Variants in RASGEF1C observed in about 807,000 individuals in gnomAD.
The protein encoded by RASGEF1C is ras-GEF domain-containing family member 1C.
Under a neutral mutation model 58.1 loss-of-function variants are expected in RASGEF1C, and 27 were observed. The ratio of observed to expected loss-of-function variants is 0.46; its 90% CI spans 0.34 to 0.64. The LOEUF is 0.64. Ranked by LOEUF, RASGEF1C falls within the 30% of genes least tolerant of loss-of-function variation. The pLI, the probability that RASGEF1C is intolerant of heterozygous loss-of-function variation, is 0.01. For missense variants in RASGEF1C, 502 were observed against 605.1 expected, an observed-to-expected ratio of 0.83 and a Z score of 1.79; for synonymous variants, 243 against 246.3, an observed-to-expected ratio of 0.99 and a Z score of 0.13.
rs569183492 is a variant in RASGEF1C, at chr5:180,188,373, G to T, written c.-7+20655C>A. Among the ~76,000 whole-genome samples the T allele has an allele frequency of 9.2e-5, 14 of 152,282 alleles. No homozygotes were observed. In the South Asian group the frequency reaches 1.4e-3, roughly 16 times the overall value. On this transcript the variant is annotated intron_variant, in intron 1 of 13. Transcript: ENST00000361132. The stretch of plus-strand genomic sequence containing the variant: ...AATGAGTATAAAATGTTCTTTGGGG[G>T]TGATGAAAATGTTTTAGAACTAGAC...
chr5:180,109,314 C>T lies in RASGEF1C; in HGVS notation c.1303+2143G>A, dbSNP rs543599689. On this transcript the variant is annotated intron_variant, in intron 12 of 13. Transcript: ENST00000361132. ...TACTAAAAATACAAAAAAAATTAGCCGGGCGTGGTGGTGGGTGCCTGTAGT... is the reference window on the plus strand; with the variant it reads ...TACTAAAAATACAAAAAAAATTAGCTGGGCGTGGTGGTGGGTGCCTGTAGT... Among the ~76,000 whole-genome samples the T allele has an allele frequency of 5.3e-5, 8 of 152,104 alleles. 1 individual carries two copies. The highest frequency in any genetic ancestry group is 2.6e-4 in the Admixed American group (4 of 15,282).
intron 12 of RASGEF1C, among the ~76,000 whole-genome samples, chr5:180,105,617 T>C (rs13164709): frequency 0.8 from 120,318 of 151,004 alleles, 47,921 homozygotes; most frequent in South Asian, 0.93. Flanking sequence ...CCTGTAATCC[T>C]AGCACTTTGG....
chr5:180,146,335 T>C (rs1194875759), intron 1 of RASGEF1C, among the ~76,000 whole-genome samples: 1 of 152,162 alleles, frequency 6.6e-6, no homozygotes, highest in East Asian at 1.9e-4. Context: ...TTTGGTACTT[T>C]TAACACGGTT....
intron 12 of RASGEF1C, among the ~76,000 whole-genome samples, chr5:180,110,034 G>A (rs1302837566): frequency 1.3e-5 from 2 of 152,224 alleles, no homozygotes; most frequent in East Asian, 1.9e-4. Context: ...ATTTGTGACA[G>A]CACCAACAGG....
Position 180,137,064 on chromosome 5 carries a change from G to A in RASGEF1C, c.300+526C>T, listed in dbSNP as rs1346240454. 6.6e-6 allele frequency among the ~76,000 whole-genome samples: 1 copy of A among 152,208 alleles called. No homozygotes were observed. Among genetic ancestry groups the A allele is most frequent in the Non-Finnish European group, 1.5e-5 (1 of 68,026 alleles). ...CAGCCCCGGGAAGCGGCAGCAGAGG[G>A]CGGGAGGGAGACAGGCCACGGTGCA... On this transcript the variant is annotated intron_variant, in intron 3 of 13. Coordinates refer to ENST00000361132, the MANE Select transcript of RASGEF1C (RefSeq NM_175062.4). This position sits in a 1 kb window ranked among gnomAD's most constrained non-coding sequence, Gnocchi z 4.1.
rs1255562660 is a variant in RASGEF1C, at chr5:180,197,036, A to G, written c.-7+11992T>C. The stretch of plus-strand genomic sequence containing the variant: ...GTGCTGCCCGAGGCTGGCGTCGGTG[A>G]GGCTCCCCTCAGACCTCACCACAGG... On this transcript the variant is annotated intron_variant, in intron 1 of 13. Transcript: ENST00000361132. The surrounding 1 kb of genome is among the most constrained non-coding windows in gnomAD (Gnocchi z 4.7). Among the ~76,000 whole-genome samples, 1 of 152,194 alleles carries G rather than the reference A, an allele frequency of 6.6e-6. No individual in the cohort carries two copies. Among genetic ancestry groups the G allele is most frequent in the African/African-American group, 2.4e-5 (1 of 41,456 alleles).
intron 1 of RASGEF1C, among the ~76,000 whole-genome samples, chr5:180,187,187 T>C (rs1468063650): frequency 6.6e-6 from 1 of 152,192 alleles, no homozygotes; most frequent in African/African-American, 2.4e-5. Flanking sequence ...AAACAGTCTC[T>C]ATGTTGCTGG....
Position 180,191,603 on chromosome 5 carries a change from G to A in RASGEF1C, c.-7+17425C>T, listed in dbSNP as rs561114728. Among the ~76,000 whole-genome samples the A allele has an allele frequency of 9.2e-5, 14 of 152,214 alleles. No individual in the cohort carries two copies. The South Asian group carries it at 1.7e-3, about 18-fold the overall frequency. On this transcript the variant is annotated intron_variant, in intron 1 of 13. Coordinates refer to ENST00000361132, the MANE Select transcript of RASGEF1C (RefSeq NM_175062.4). ...CATCTCCTGACCTCGTGATCCGCCC[G>A]CCTCAGCCTCCCAAAGTGCTGGGAT...
At chr5:180,116,345 C>T (rs116473196) in intron 10 of RASGEF1C, among the ~76,000 whole-genome samples, 3,765 of 83,498 alleles carry the variant, frequency 0.045, 63 homozygotes, top group Admixed American at 0.086. Flanking sequence ...AGGAAGGAAG[C>T]GTAAAGTGCT....
chr5:180,119,170 C>T (rs1766124886), intron 8 of RASGEF1C, among the ~76,000 whole-genome samples, 176 bp downstream of exon 8: 1 of 152,206 alleles, frequency 6.6e-6, no homozygotes, highest in East Asian at 1.9e-4. Flanking sequence ...GGGGTGGCTC[C>T]CCAGGACCTC....
At position 180,197,251 on chromosome 5, in the gene RASGEF1C, C is replaced by G. The variant is rs554951720; in HGVS notation, c.-7+11777G>C. Among the ~76,000 whole-genome samples the G allele has an allele frequency of 6.6e-6, 1 of 152,334 alleles. No individual in the cohort carries two copies. On this transcript the variant is annotated intron_variant, in intron 1 of 13. Transcript: ENST00000361132. This position sits in a 1 kb window ranked among gnomAD's most constrained non-coding sequence, Gnocchi z 4.7. ...CTCCCTCAGCCACACACCTGTGAAT[C>G]ACTCAACAATGGCTGGGACAGAGGG... is the stretch of plus-strand genomic sequence containing the variant.
intron 13 of RASGEF1C, 28 bp from the exon 14 acceptor site, chr5:180,101,553 T>A (rs950569666): frequency 1.2e-6 from 2 of 1,610,562 alleles, no homozygotes; most frequent in Non-Finnish European, 1.7e-6. Flanking sequence ...TCGGGAGCGG[T>A]GAGAGCCTGG....
At chr5:180,152,263 CAT>C (rs1561744406) in intron 1 of RASGEF1C, among the ~76,000 whole-genome samples, 1 of 151,824 alleles carries the variant, frequency 6.6e-6, no homozygotes, top group African/African-American at 2.4e-5. Flanking sequence ...TTAAGATACA[CAT>C]ATGTTTATTG....
intron 1 of RASGEF1C, among the ~76,000 whole-genome samples, chr5:180,194,187 C>T (rs1195289559): frequency 2.6e-5 from 4 of 152,190 alleles, no homozygotes; most frequent in African/African-American, 7.2e-5. Flanking sequence ...GCCGAACGCG[C>T]GAGCTTGGCG....
Position 180,133,666 on chromosome 5 carries a change from A to ATGT in RASGEF1C, c.438+2711_438+2712insACA, listed in dbSNP as rs1209934957. On this transcript the variant is annotated intron_variant, in intron 4 of 13. Coordinates refer to ENST00000361132, the MANE Select transcript of RASGEF1C (RefSeq NM_175062.4). ...CAAAGCCTATGTCTATGGTTTGCTT[A>ATGT]CAGCTAACTTGTGGGAAAGCAAAAT... is the stretch of plus-strand genomic sequence containing the variant. Among the ~76,000 whole-genome samples the ATGT allele has an allele frequency of 7.2e-3, 1,095 of 152,366 alleles. 13 individuals carry two copies. The highest frequency in any genetic ancestry group is 0.026 in the African/African-American group (1,062 of 41,572).
intron 1 of RASGEF1C, among the ~76,000 whole-genome samples, chr5:180,160,040 G>C (rs530505514): frequency 4.3e-4 from 65 of 152,246 alleles, no homozygotes; most frequent in African/African-American, 1.5e-3. Context: ...TTGCCCCAGG[G>C]GATACTCCTG....
chr5:180,107,226 C>A (rs543049311), intron 12 of RASGEF1C, among the ~76,000 whole-genome samples: 2 of 152,160 alleles, frequency 1.3e-5, no homozygotes, highest in African/African-American at 4.8e-5. Context: ...TTGTCAATTT[C>A]TTTTACTTGG....
chr5:180,106,878 T>C (rs1365541200), intron 12 of RASGEF1C, among the ~76,000 whole-genome samples: 9 of 152,252 alleles, frequency 5.9e-5, no homozygotes. Context: ...ACATCTTCAA[T>C]TGTAATTGTA....
intron 1 of RASGEF1C, among the ~76,000 whole-genome samples, chr5:180,207,878 C>A (rs1756517152): frequency 6.6e-6 from 1 of 152,236 alleles, no homozygotes. Context: ...CCGCCGCGCC[C>A]TGGTCTCCCT....
Sources: allele counts gnomAD v4.1 joint callset (sites outside exome capture counted in the v4.1 genomes callset), GRCh38; gene constraint gnomAD v4.1.1; non-coding constraint Gnocchi (gnomAD v3.1); transcripts MANE v1.5; gene names NCBI Gene and HGNC (gene_info 2026-07-23, HGNC 2026-07-21).